SAMD3: variants seen among roughly 807,000 people sequenced by gnomAD.
The protein encoded by SAMD3 is sterile alpha motif domain-containing protein 3.
A neutral mutation model predicts 58.5 loss-of-function variants in SAMD3; 63 were observed. The ratio of observed to expected loss-of-function variants is 1.08; its 90% CI spans 0.88 to 1.33. SAMD3 has a LOEUF of 1.33. SAMD3 is among the 40% of genes most tolerant of loss of function. SAMD3 has a pLI of 0.00. For missense variants in SAMD3, 604 were observed against 608.4 expected (o/e 0.99, Z 0.08); for synonymous variants, 220 against 210.3 (o/e 1.05, Z -0.40).
At chr6:130,262,920 A>G (rs1219609817) in intron 2 of SAMD3, among the ~76,000 whole-genome samples, 1 of 152,176 alleles carries the variant, frequency 6.6e-6, no homozygotes, top group African/African-American at 2.4e-5. Context: ...TAAAAGCATA[A>G]CAGGTTTTCC....
chr6:130,331,743 C>A (rs1776941497), intron 1 of SAMD3, among the ~76,000 whole-genome samples: 1 of 152,060 alleles, frequency 6.6e-6, no homozygotes, highest in African/African-American at 2.4e-5. Context: ...AGTTCATAAG[C>A]TTTTACTATG....
chr6:130,178,988 A>G (rs972926989), intron 7 of SAMD3, among the ~76,000 whole-genome samples: 14 of 152,060 alleles, frequency 9.2e-5, no homozygotes, highest in African/African-American at 2.2e-4. Flanking sequence ...AATGGCTTGT[A>G]TTTTTCTTAG....
chr6:130,223,683 C>T (rs190387230), upstream of SAMD3, among the ~76,000 whole-genome samples: 31 of 152,244 alleles, frequency 2.0e-4, no homozygotes, highest in Admixed American at 1.3e-3. Flanking sequence ...CCTTGCAGGG[C>T]GTGCGATGGG....
intron 10 of SAMD3, among the ~76,000 whole-genome samples, chr6:130,145,742 T>C (rs905513635): frequency 2.0e-5 from 3 of 152,178 alleles, no homozygotes; most frequent in African/African-American, 7.2e-5. Flanking sequence ...AATTTTACAA[T>C]ATCCAGTATA....
chr6:130,164,413 C>T (rs1932105), intron 8 of SAMD3, among the ~76,000 whole-genome samples: 109,424 of 152,028 alleles, frequency 0.72, 40,139 homozygotes, highest in East Asian at 0.93. Flanking sequence ...TATTTCCCCA[C>T]GCTAAAGATA....
intron 3 of SAMD3, 119 bp from the exon 4 acceptor site, chr6:130,214,645 T>A: frequency 1.6e-6 from 1 of 613,180 alleles, no homozygotes; most frequent in South Asian, 3.4e-5. Flanking sequence ...CCTGACATTA[T>A]AAATTTATCC....
intron 2 of SAMD3, among the ~76,000 whole-genome samples, chr6:130,254,047 G>A (rs1290781744): frequency 2.6e-5 from 4 of 151,978 alleles, no homozygotes; most frequent in Non-Finnish European, 5.9e-5. Context: ...AGGCTGGAGT[G>A]CAGGAGCAAG....
At chr6:130,340,365 C>T (rs904945049) in intron 1 of SAMD3, among the ~76,000 whole-genome samples, 5 of 152,144 alleles carry the variant, frequency 3.3e-5, no homozygotes, top group Non-Finnish European at 4.4e-5. Context: ...ATAGCATCTT[C>T]GAATTTTTCT....
At position 130,282,710 on chromosome 6, in the gene SAMD3, C is replaced by T. The variant is rs559073461; in HGVS notation, c.-188+30268G>A. 2.0e-5 allele frequency among the ~76,000 whole-genome samples: 3 copies of T among 152,176 alleles called. No individual in the cohort carries two copies. In the South Asian group the frequency reaches 6.2e-4, roughly 32 times the overall value. On this transcript the variant is annotated intron_variant, in intron 2 of 13. Coordinates refer to the SAMD3 transcript ENST00000368134. ...AGGACGCTAAAAGTAACAGCTGAAACAAAAGAGAATTTTCTGAGAATTCAA... is the reference window on the plus strand; with the variant it reads ...AGGACGCTAAAAGTAACAGCTGAAATAAAAGAGAATTTTCTGAGAATTCAA...
chr6:130,208,042 C>T (rs182168836), intron 5 of SAMD3, among the ~76,000 whole-genome samples: 1 of 152,300 alleles, frequency 6.6e-6, no homozygotes, highest in East Asian at 1.9e-4. Flanking sequence ...CAACAACAGT[C>T]CACTTGGAAA....
intron 1 of SAMD3, among the ~76,000 whole-genome samples, chr6:130,346,900 G>C (rs1777472463): frequency 6.6e-6 from 1 of 152,182 alleles, no homozygotes; most frequent in African/African-American, 2.4e-5. Flanking sequence ...GGAACGATCA[G>C]GCAGCAACAT....
intron 2 of SAMD3, among the ~76,000 whole-genome samples, chr6:130,265,146 C>T (rs1415849532): frequency 6.6e-6 from 1 of 152,212 alleles, no homozygotes; most frequent in African/African-American, 2.4e-5. Flanking sequence ...TGAAAATCCC[C>T]GCATAACCAT....
At chr6:130,316,106 C>A (rs1247929937) in intron 1 of SAMD3, among the ~76,000 whole-genome samples, 4 of 151,952 alleles carry the variant, frequency 2.6e-5, no homozygotes, top group African/African-American at 9.7e-5. Flanking sequence ...GCCTGGCCAA[C>A]CTGGCAAAAC....
At chr6:130,364,824 G>C in intron 1 of SAMD3, among the ~76,000 whole-genome samples, 1 of 151,936 alleles carries the variant, frequency 6.6e-6, no homozygotes, top group Non-Finnish European at 1.5e-5. Context: ...TCTTCTCATT[G>C]CCATATCTGA....
chr6:130,307,910 G>A (rs567117109), intron 2 of SAMD3, among the ~76,000 whole-genome samples: 1 of 152,202 alleles, frequency 6.6e-6, no homozygotes, highest in Non-Finnish European at 1.5e-5. Flanking sequence ...GTTAAGACCT[G>A]TGCTTTCATA....
Position 130,329,263 on chromosome 6 carries a change from A to C in SAMD3, c.-303-16170T>G, listed in dbSNP as rs1412296543. 2.0e-4 allele frequency among the ~76,000 whole-genome samples: 9 copies of C among 45,306 alleles called. No individual in the cohort carries two copies. The African/African-American group carries it at 6.3e-3, about 32-fold the overall frequency. The allele number at this position is 45,306 out of a possible 152,430, so 29.7% of individuals were successfully genotyped here. On this transcript the variant is annotated intron_variant, in intron 1 of 13. Coordinates refer to the SAMD3 transcript ENST00000368134. Reference sequence around the variant, plus strand: ...AGATTAACAGAATCAATGAATCTCAAAAAAAAAAAAAAAAAGCCTGGTAAA... The same window carrying C: ...AGATTAACAGAATCAATGAATCTCACAAAAAAAAAAAAAAAGCCTGGTAAA...
chr6:130,160,101 G>A (rs1160140726), intron 8 of SAMD3: 1 of 152,126 alleles, frequency 6.6e-6, no homozygotes, highest in Non-Finnish European at 1.5e-5. Flanking sequence ...CACCCTGTGA[G>A]CCAGTGAGCC....
intron 2 of SAMD3, among the ~76,000 whole-genome samples, chr6:130,248,307 A>T (rs1447300905): frequency 6.6e-6 from 1 of 152,140 alleles, no homozygotes; most frequent in East Asian, 1.9e-4. Flanking sequence ...CACAAATCAC[A>T]GCCAATGGCC....
At chr6:130,195,471 AG>A (rs1453116982) in intron 5 of SAMD3, among the ~76,000 whole-genome samples, 1 of 152,226 alleles carries the variant, frequency 6.6e-6, no homozygotes, top group African/African-American at 2.4e-5. Flanking sequence ...AAGTTAGTTC[AG>A]GATCTGCGCC....
Sources: allele counts gnomAD v4.1 joint callset (sites outside exome capture counted in the v4.1 genomes callset), GRCh38; gene constraint gnomAD v4.1.1; transcripts MANE v1.5; gene names NCBI Gene and HGNC (gene_info 2026-07-23, HGNC 2026-07-21).